Variants in OSBPL2 observed in about 807,000 individuals in gnomAD.
OSBPL2 encodes the protein oxysterol-binding protein-related protein 2.
OSBPL2 carries 18 observed loss-of-function variants against 58.4 expected under a neutral mutation model. The observed-to-expected ratio is 0.31, with a 90% confidence interval of 0.21 to 0.46. OSBPL2 has a LOEUF of 0.46. Ranked by LOEUF, OSBPL2 falls within the 20% of genes least tolerant of loss-of-function variation. The pLI, the probability that OSBPL2 is intolerant of heterozygous loss-of-function variation, is 1.00. For synonymous variants in OSBPL2, 221 were observed against 234.1 expected, an observed-to-expected ratio of 0.94 and a Z score of 0.51; for missense variants, 461 against 616.5, an observed-to-expected ratio of 0.75 and a Z score of 2.67.
chr20:62,293,757 T>G lies in OSBPL2; in HGVS notation c.1341-28T>G, dbSNP rs779159980. 4.4e-6 allele frequency: 7 copies of G among 1,608,532 alleles called. No homozygotes were observed. The East Asian group carries it at 1.3e-4, about 31-fold the overall frequency. On this transcript the variant is annotated intron_variant, in intron 13 of 13. Coordinates refer to ENST00000313733, the MANE Select transcript of OSBPL2 (RefSeq NM_144498.4). The stretch of plus-strand genomic sequence containing the variant: ...CGTTTTCCTTTTGGGCTGAGCATCT[T>G]CTGACCCCCCTCCCTTGTATCCGGC...
intron 7 of OSBPL2, 193 bp downstream of exon 7, chr20:62,279,532 GTCTGCAGT>G (rs1235896032): frequency 1.8e-5 from 11 of 595,996 alleles, no homozygotes; most frequent in Admixed American, 3.1e-5. Flanking sequence ...GCGTCCTCAC[GTCTGCAGT>G]TGGAATTCGC....
chr20:62,242,917 G>T (rs1305429632), intron 1 of OSBPL2, among the ~76,000 whole-genome samples: 2 of 152,146 alleles, frequency 1.3e-5, no homozygotes, highest in African/African-American at 4.8e-5. Flanking sequence ...TTTGGTTCCA[G>T]AAAAGACGGA....
chr20:62,278,411 CAT>C (rs1982534865), intron 6 of OSBPL2: 1 of 141,248 alleles, frequency 7.1e-6, no homozygotes, highest in South Asian at 1.2e-4. Flanking sequence ...AGTGCGATGT[CAT>C]GTTTGTGTGT....
At chr20:62,259,728 A>G (rs1349260011) in intron 2 of OSBPL2, among the ~76,000 whole-genome samples, 12 of 152,134 alleles carry the variant, frequency 7.9e-5, no homozygotes, top group Admixed American at 7.2e-4. Flanking sequence ...TGGACCTCAA[A>G]TCACAAGCGT....
intron 12 of OSBPL2, among the ~76,000 whole-genome samples, chr20:62,290,486 G>A (rs762897580): frequency 1.4e-4 from 20 of 139,378 alleles, no homozygotes; most frequent in African/African-American, 5.4e-4. Flanking sequence ...GTGCGATCTC[G>A]GTTCACTGCA....
At chr20:62,249,198 G>A (rs1255066030) in intron 1 of OSBPL2, among the ~76,000 whole-genome samples, 1 of 152,112 alleles carries the variant, frequency 6.6e-6, no homozygotes, top group African/African-American at 2.4e-5. Context: ...GCGTCCTTGG[G>A]GCCAAGGAAG....
intron 3 of OSBPL2, among the ~76,000 whole-genome samples, chr20:62,260,645 G>A (rs1203822595): frequency 6.6e-6 from 1 of 151,974 alleles, no homozygotes; most frequent in Non-Finnish European, 1.5e-5. Context: ...CCTCCTCCAC[G>A]TTCGTTTTCA....
chr20:62,250,340 G>GA (rs1980441958), intron 1 of OSBPL2, among the ~76,000 whole-genome samples: 1 of 152,196 alleles, frequency 6.6e-6, no homozygotes, highest in Admixed American at 6.5e-5. Context: ...GGAGCGACCG[G>GA]GAGGCTGTGT....
At position 62,268,186 on chromosome 20, in the gene OSBPL2, C is replaced by T. The variant is rs998145278; in HGVS notation, c.259-3939C>T. 5.3e-5 allele frequency among the ~76,000 whole-genome samples: 8 copies of T among 151,972 alleles called. No homozygotes were observed. In the East Asian group the frequency reaches 1.3e-3, roughly 26 times the overall value. ...TGTTGGGATTACAAGCGTGAGCCAC[C>T]GCGCCCGGCCAAATGACTGCATTTT... On this transcript the variant is annotated intron_variant, in intron 4 of 13. Transcript: ENST00000313733.
chr20:62,250,329 A>G (rs1221968752), intron 1 of OSBPL2, among the ~76,000 whole-genome samples: 1 of 152,218 alleles, frequency 6.6e-6, no homozygotes, highest in Non-Finnish European at 1.5e-5. Flanking sequence ...CAACTCCTTC[A>G]GGAGCGACCG....
At chr20:62,280,021 A>C in intron 7 of OSBPL2, 1 of 1,304,120 alleles carries the variant, frequency 7.7e-7, no homozygotes, top group Non-Finnish European at 1.0e-6. Context: ...TCAACCAAAG[A>C]CACCTCAGAG....
intron 1 of OSBPL2, among the ~76,000 whole-genome samples, chr20:62,252,992 G>A (rs1373855283): frequency 6.6e-6 from 1 of 152,270 alleles, no homozygotes. Flanking sequence ...AGGAGGTTTG[G>A]TGGTGGGGAC....
intron 4 of OSBPL2, among the ~76,000 whole-genome samples, chr20:62,266,985 C>T (rs1271991944): frequency 1.3e-5 from 2 of 152,214 alleles, no homozygotes; most frequent in Non-Finnish European, 2.9e-5. Flanking sequence ...AGGCGTGCGA[C>T]GGCTCACGCC....
chr20:62,294,259 A>C lies in OSBPL2; in HGVS notation c.*372A>C. ...GGAAGGGGTTCATGTTCTCTTTATA[A>C]TGCAGTGGCAAAAGGTTCTGAAAGC... On this transcript the variant is annotated 3_prime_UTR_variant, in exon 14 of 14. Coordinates refer to ENST00000313733, the MANE Select transcript of OSBPL2 (RefSeq NM_144498.4). 2 of 222,536 alleles carry C rather than the reference A, an allele frequency of 9.0e-6. No individual in the cohort carries two copies. The highest frequency in any genetic ancestry group is 8.9e-6 in the Non-Finnish European group (1 of 112,912). The allele number at this position is 222,536 out of a possible 1,614,324, so 13.8% of individuals were successfully genotyped here.
chr20:62,243,461 CGCAGCGCCTGCCCG>C (rs1344948793), intron 1 of OSBPL2, among the ~76,000 whole-genome samples: 6 of 59,180 alleles, frequency 1.0e-4, no homozygotes, highest in East Asian at 8.5e-4. Context: ...GCGCCTGCCC[CGCAGCGCCTGCCCG>C]GCAGCTCCGC....
At chr20:62,242,300 C>T (rs1278696497) in intron 1 of OSBPL2, 3 of 152,236 alleles carry the variant, frequency 2.0e-5, no homozygotes, top group Non-Finnish European at 2.9e-5. Flanking sequence ...CTTTTTGGCA[C>T]TTCTTTCCTT....
intron 12 of OSBPL2, chr20:62,291,332 C>CT (rs1983496157): frequency 2.9e-6 from 1 of 349,544 alleles, no homozygotes; most frequent in Admixed American, 4.1e-5. Flanking sequence ...GAGATGGGCT[C>CT]TGAGTTGCAC....
At chr20:62,284,911 G>A (rs1383075103) in intron 10 of OSBPL2, 1 of 152,134 alleles carries the variant, frequency 6.6e-6, no homozygotes, top group African/African-American at 2.4e-5. Flanking sequence ...TCAATTTTTT[G>A]TTTTTAGTTG....
In OSBPL2 at chr20:62,281,995, G is replaced by C. The variant is rs866664647; in HGVS notation, c.872+116G>C. On this transcript the variant is annotated intron_variant, in intron 9 of 13. Transcript: ENST00000313733. ...ACGTGCATGAGACGCGGGTACACCA[G>C]TGCCATCTGTTCATGGTCCAGAAGT... is the stretch of plus-strand genomic sequence containing the variant. The C allele has an allele frequency of 9.6e-6, 6 of 622,842 alleles. No homozygotes were observed. In the African/African-American group the frequency reaches 1.1e-4, roughly 11 times the overall value. The allele number at this position is 622,842 out of a possible 1,614,324, so 38.6% of individuals were successfully genotyped here.
Sources: allele counts gnomAD v4.1 joint callset (sites outside exome capture counted in the v4.1 genomes callset), GRCh38; gene constraint gnomAD v4.1.1; transcripts MANE v1.5; gene names NCBI Gene and HGNC (gene_info 2026-07-23, HGNC 2026-07-21).